The following FOXJ3 variants were observed in gnomAD, a reference collection of about 807,000 sequenced individuals.
The protein encoded by FOXJ3 is forkhead box J3, also known as forkhead box protein J3.
Under a neutral mutation model 76.1 loss-of-function variants are expected in FOXJ3, and 22 were observed. The ratio of observed to expected loss-of-function variants is 0.29; its 90% CI spans 0.21 to 0.41. The LOEUF is 0.41. Ranked by LOEUF, FOXJ3 falls within the 10% of genes least tolerant of loss-of-function variation. The probability of loss-of-function intolerance (pLI) is 1.00; values close to 1 mark genes in which losing one functional copy is unlikely to be tolerated. For missense variants in FOXJ3, 613 were observed against 762.1 expected (o/e 0.80, Z 2.30); for synonymous variants, 269 against 261.2 (o/e 1.03, Z -0.29).
At chr1:42,192,199 T>C (rs1175434163) in intron 8 of FOXJ3, among the ~76,000 whole-genome samples, 1 of 152,198 alleles carries the variant, frequency 6.6e-6, no homozygotes. Context: ...GACTGGCTAA[T>C]AGTTTAAAAC....
intron 2 of FOXJ3, among the ~76,000 whole-genome samples, chr1:42,289,266 G>A (rs1330041673): frequency 2.6e-5 from 4 of 151,740 alleles, no homozygotes; most frequent in Non-Finnish European, 2.9e-5. Flanking sequence ...AACAGAAAGA[G>A]TAAGGACTTT....
At chr1:42,331,302 A>C (rs937446669) in intron 1 of FOXJ3, among the ~76,000 whole-genome samples, 2 of 151,926 alleles carry the variant, frequency 1.3e-5, no homozygotes, top group African/African-American at 4.8e-5. Context: ...GAATCGCTTG[A>C]ACCTGGGAGG....
intron 2 of FOXJ3, among the ~76,000 whole-genome samples, chr1:42,300,706 G>C (rs926620524): frequency 6.6e-6 from 1 of 152,166 alleles, no homozygotes; most frequent in African/African-American, 2.4e-5. Flanking sequence ...GAGCCTAGGA[G>C]GTAAAGGCTG....
chr1:42,224,555 A>G (rs1270643419), intron 5 of FOXJ3, among the ~76,000 whole-genome samples: 1 of 151,994 alleles, frequency 6.6e-6, no homozygotes, highest in Non-Finnish European at 1.5e-5. Context: ...CGGAGGGGCT[A>G]AGGCAGAAGA....
At chr1:42,219,327 G>C (rs1005944047) in intron 5 of FOXJ3, among the ~76,000 whole-genome samples, 1 of 152,048 alleles carries the variant, frequency 6.6e-6, no homozygotes, top group Non-Finnish European at 1.5e-5. Context: ...TCGTGGTATC[G>C]CTTTATTATT....
chr1:42,313,784 C>T (rs1194051989), intron 1 of FOXJ3, among the ~76,000 whole-genome samples: 1 of 152,270 alleles, frequency 6.6e-6, no homozygotes, highest in African/African-American at 2.4e-5. Flanking sequence ...GTTTCGTACA[C>T]AGCAGAGCAG....
chr1:42,201,570 A>C (rs1010962844), intron 6 of FOXJ3, among the ~76,000 whole-genome samples: 2 of 152,192 alleles, frequency 1.3e-5, no homozygotes, highest in African/African-American at 4.8e-5. Flanking sequence ...CGTTTCTAGA[A>C]TACAACTGTG....
chr1:42,251,544 T>C (rs149214901), intron 4 of FOXJ3, among the ~76,000 whole-genome samples: 71 of 152,216 alleles, frequency 4.7e-4, no homozygotes, highest in African/African-American at 1.6e-3. Context: ...CTTTTCTGCA[T>C]CTATTGAGAT....
chr1:42,196,607 C>T (rs1025753926), intron 7 of FOXJ3, among the ~76,000 whole-genome samples: 1 of 152,158 alleles, frequency 6.6e-6, no homozygotes, highest in Non-Finnish European at 1.5e-5. Context: ...GCAAGAGAAT[C>T]GCTTGAATCT....
intron 5 of FOXJ3, among the ~76,000 whole-genome samples, chr1:42,226,279 A>G (rs972414616): frequency 6.6e-6 from 1 of 152,064 alleles, no homozygotes; most frequent in African/African-American, 2.4e-5. Context: ...TTCCTTCTCA[A>G]ATGATAACAT....
intron 4 of FOXJ3, among the ~76,000 whole-genome samples, chr1:42,234,316 G>T (rs1391181876): frequency 6.6e-6 from 1 of 151,926 alleles, no homozygotes; most frequent in Non-Finnish European, 1.5e-5. Flanking sequence ...TTTTTTTCAA[G>T]GTTTTTAACT....
At chr1:42,283,531 ATGGG>A (rs1652862353) in intron 2 of FOXJ3, among the ~76,000 whole-genome samples, 1 of 152,178 alleles carries the variant, frequency 6.6e-6, no homozygotes, top group Non-Finnish European at 1.5e-5. Flanking sequence ...AGGGGGGCAA[ATGGG>A]TACAGATAAA....
intron 3 of FOXJ3, among the ~76,000 whole-genome samples, chr1:42,267,227 A>G (rs1651532740): frequency 6.6e-6 from 1 of 152,156 alleles, no homozygotes; most frequent in Admixed American, 6.6e-5. Context: ...ATACCACTGA[A>G]TAACAAGCAA....
At chr1:42,236,746 A>C (rs1648667879) in intron 4 of FOXJ3, among the ~76,000 whole-genome samples, 1 of 152,194 alleles carries the variant, frequency 6.6e-6, no homozygotes, top group Non-Finnish European at 1.5e-5. Flanking sequence ...AAGTGAACTC[A>C]AACTGTGAAA....
chr1:42,256,226 A>C (rs1329261346), intron 4 of FOXJ3, among the ~76,000 whole-genome samples: 1 of 152,216 alleles, frequency 6.6e-6, no homozygotes, highest in African/African-American at 2.4e-5. Context: ...AAAAATTGAT[A>C]AATTAGACCT....
intron 6 of FOXJ3, among the ~76,000 whole-genome samples, chr1:42,200,150 G>A (rs1357214274): frequency 6.6e-6 from 1 of 151,924 alleles, no homozygotes; most frequent in African/African-American, 2.4e-5. Context: ...GAGAACCACT[G>A]ATACACTGTA....
At chr1:42,277,524 G>A (rs772245183) in intron 3 of FOXJ3, among the ~76,000 whole-genome samples, 13,610 of 32,104 alleles carry the variant, frequency 0.42, 3,379 homozygotes, top group Admixed American at 0.52. Flanking sequence ...CTGGCCGGGC[G>A]CGGTGGCTCA....
At chr1:42,316,754 G>A (rs542909286) in intron 1 of FOXJ3, among the ~76,000 whole-genome samples, 73 of 152,276 alleles carry the variant, frequency 4.8e-4, no homozygotes, top group African/African-American at 1.6e-3. Flanking sequence ...TTAAAAATTT[G>A]TTAAAACTAT....
chr1:42,237,516 T>C (rs551549505), intron 4 of FOXJ3, among the ~76,000 whole-genome samples: 1 of 149,646 alleles, frequency 6.7e-6, no homozygotes, highest in African/African-American at 2.4e-5. Flanking sequence ...ATTAGACTTT[T>C]TAATATTCCG....
Sources: gnomAD v4.1 joint callset for allele counts (sites outside exome capture counted in the v4.1 genomes callset) on GRCh38, gnomAD v4.1.1 for gene constraint, MANE v1.5 for transcripts, NCBI Gene and HGNC (gene_info 2026-07-23, HGNC 2026-07-21) for gene names.